The following PLPP3 variants were observed in gnomAD, a reference collection of about 807,000 sequenced individuals.
PLPP3 encodes PAP2 beta.
PLPP3 carries 6 observed loss-of-function variants against 29.6 expected under a neutral mutation model. The observed-to-expected ratio is 0.20, with a 90% CI of 0.11 to 0.40. The LOEUF (loss-of-function observed/expected upper bound fraction) is 0.40, where lower values mean the gene tolerates loss of function less well. PLPP3 is among the 10% of genes least tolerant of loss of function. The pLI, the probability that PLPP3 is intolerant of heterozygous loss-of-function variation, is 1.00. For synonymous variants in PLPP3, 152 were observed against 159.7 expected, an observed-to-expected ratio of 0.95 and a Z score of 0.36; for missense variants, 308 against 407.7, an observed-to-expected ratio of 0.76 and a Z score of 2.11.
At chr1:56,516,490 G>A (rs1645781642) in intron 4 of PLPP3, among the ~76,000 whole-genome samples, 1 of 152,188 alleles carries the variant, frequency 6.6e-6, no homozygotes, top group Admixed American at 6.5e-5. Context: ...TAAAGTCCTA[G>A]GTGCCCTGAA....
intron 1 of PLPP3, among the ~76,000 whole-genome samples, chr1:56,567,554 C>T (rs1247446714): frequency 6.6e-6 from 1 of 152,012 alleles, no homozygotes; most frequent in Non-Finnish European, 1.5e-5. Flanking sequence ...CCCGCCACCA[C>T]ACCTGGCTAA....
chr1:56,548,895 CAA>C (rs767987345), intron 1 of PLPP3, among the ~76,000 whole-genome samples: 9 of 120,654 alleles, frequency 7.5e-5, no homozygotes, highest in Non-Finnish European at 7.1e-5. Context: ...AAGGCTATAC[CAA>C]AAAAAAAAAA....
At chr1:56,517,621 A>C (rs1406888724) in intron 4 of PLPP3, among the ~76,000 whole-genome samples, 2 of 152,242 alleles carry the variant, frequency 1.3e-5, no homozygotes, top group African/African-American at 4.8e-5. Flanking sequence ...ATGTACATTG[A>C]GTATATTTGC....
chr1:56,527,731 ATTATGAACCAGGCGG>A (rs1461698563), intron 2 of PLPP3, among the ~76,000 whole-genome samples: 2 of 152,128 alleles, frequency 1.3e-5, no homozygotes, highest in Admixed American at 6.6e-5. Flanking sequence ...ATAAATCATC[ATTATGAACCAGGCGG>A]ACTTGGCTTC....
chr1:56,519,296 G>T (rs1645803251), intron 4 of PLPP3, among the ~76,000 whole-genome samples: 1 of 152,072 alleles, frequency 6.6e-6, no homozygotes, highest in South Asian at 2.1e-4. Context: ...TACCTCTACT[G>T]CCACTCTCTG....
In PLPP3 at chr1:56,496,490, A is replaced by G. The variant is rs1645631939; in HGVS notation, c.*61T>C. On this transcript the variant is annotated 3_prime_UTR_variant, in exon 6 of 6. Coordinates refer to ENST00000371250, the MANE Select transcript of PLPP3 (RefSeq NM_003713.5). ...ATTCTACTGTCTGATGAGATTGGAG[A>G]GCAGCAAGAACTTGCTGTCAGCAGT... 1 of 1,579,684 alleles carries G rather than the reference A, an allele frequency of 6.3e-7. No individual in the cohort carries two copies. The highest frequency in any genetic ancestry group is 8.7e-7 in the Non-Finnish European group (1 of 1,153,118).
intron 5 of PLPP3, among the ~76,000 whole-genome samples, chr1:56,498,881 C>G (rs1645647015): frequency 6.6e-6 from 1 of 152,318 alleles, no homozygotes; most frequent in South Asian, 2.1e-4. Context: ...ATCCGCCTGC[C>G]TCAGCCTTCC....
At chr1:56,517,770 G>A (rs1297924013) in intron 4 of PLPP3, among the ~76,000 whole-genome samples, 1 of 152,160 alleles carries the variant, frequency 6.6e-6, no homozygotes, top group Non-Finnish European at 1.5e-5. Flanking sequence ...AACACCAAAG[G>A]ACAACCTCCA....
chr1:56,542,590 G>A (rs1338711163), intron 1 of PLPP3, among the ~76,000 whole-genome samples: 1 of 152,030 alleles, frequency 6.6e-6, no homozygotes, highest in African/African-American at 2.4e-5. Context: ...TATAAAATAC[G>A]TGAAGTCCAG....
intron 4 of PLPP3, 42 bp downstream of exon 4, chr1:56,523,781 G>A: frequency 6.3e-7 from 1 of 1,577,504 alleles, no homozygotes; most frequent in Non-Finnish European, 8.7e-7. Flanking sequence ...AGGGATCGAA[G>A]CTGGAACTGA....
In PLPP3 at chr1:56,495,488, C is replaced by T. The variant is rs923205046; in HGVS notation, c.*1063G>A. On this transcript the variant is annotated 3_prime_UTR_variant, in exon 6 of 6. Coordinates refer to ENST00000371250, the MANE Select transcript of PLPP3 (RefSeq NM_003713.5). ...AGTGCTTTACACAGCAAGAGCAACT[C>T]CTACAAAGACCCTCAGCTCTGTCAT... 3 of 152,716 alleles carry T rather than the reference C, an allele frequency of 2.0e-5. No individual in the cohort carries two copies. Among genetic ancestry groups the T allele is most frequent in the African/African-American group, 7.2e-5 (3 of 41,470 alleles). The allele number at this position is 152,716 out of a possible 1,614,324, so 9.5% of individuals were successfully genotyped here. A position where few individuals can be genotyped will look rare whatever the true frequency, so the allele number is the denominator to read the frequency against.
intron 1 of PLPP3, among the ~76,000 whole-genome samples, chr1:56,569,554 T>C (rs993473384): frequency 6.6e-6 from 1 of 152,156 alleles, no homozygotes; most frequent in Non-Finnish European, 1.5e-5. Context: ...GGAGTTACCA[T>C]AGGACCCAGC....
intron 1 of PLPP3, among the ~76,000 whole-genome samples, chr1:56,557,002 GA>G (rs1421137314): frequency 1.3e-4 from 1 of 7,420 alleles, no homozygotes; most frequent in Non-Finnish European, 3.5e-4. Context: ...AAGAAAGAAA[GA>G]AAGAAAGAGA....
intron 1 of PLPP3, among the ~76,000 whole-genome samples, chr1:56,568,770 G>A (rs556619630): frequency 6.6e-6 from 1 of 152,082 alleles, no homozygotes. Context: ...GACTACAGGT[G>A]CCCACCACCA....
intron 2 of PLPP3, among the ~76,000 whole-genome samples, chr1:56,533,876 C>T (rs1298535550): frequency 6.6e-6 from 1 of 151,976 alleles, no homozygotes; most frequent in Non-Finnish European, 1.5e-5. Flanking sequence ...TCAGATGATG[C>T]CTAAGTTTGA....
intron 2 of PLPP3, among the ~76,000 whole-genome samples, chr1:56,529,028 G>A (rs527509305): frequency 3.6e-4 from 54 of 151,926 alleles, no homozygotes; most frequent in Non-Finnish European, 6.0e-4. Flanking sequence ...CCACCGCTGA[G>A]TCTGAAGGAC....
At chr1:56,568,681 A>T (rs1646177737) in intron 1 of PLPP3, among the ~76,000 whole-genome samples, 1 of 152,142 alleles carries the variant, frequency 6.6e-6, no homozygotes. Context: ...GCTGGAGTGC[A>T]GTGGCGTGAT....
intron 1 of PLPP3, among the ~76,000 whole-genome samples, chr1:56,543,015 CAAA>C (rs397737077): frequency 1.5e-5 from 2 of 133,418 alleles, no homozygotes. Flanking sequence ...GATCTTGTTT[CAAA>C]AAAAAAAAAA....
rs1463706976 is a variant in PLPP3, at chr1:56,578,881, T to A, written c.136A>T (p.Met46Leu). 1 of 1,578,232 alleles carries A rather than the reference T, an allele frequency of 6.3e-7. No individual in the cohort carries two copies. The highest frequency in any genetic ancestry group is 8.6e-7 in the Non-Finnish European group (1 of 1,164,810). The change falls in exon 1 of 6, where the codon ATG becomes TTG. Residue 46 changes from methionine to leucine, a missense_variant. Around this residue, in one of 3 missense-constraint regions of PLPP3, gnomAD observed 67 missense variants for 61.3 expected, o/e 1.09. Transcript: ENST00000371250. ...GGGACAGCGGGGCTGGGCTCACCCA[T>A]GAAGAGGCAGAAGAGGTCGAGGCAG... Reference protein sequence around the residue: ...LICLDLFCLFMAGLPFLIIET... With the variant: ...LICLDLFCLFLAGLPFLIIET...
Sources: gnomAD v4.1 joint callset for allele counts (sites outside exome capture counted in the v4.1 genomes callset) on GRCh38, gnomAD v4.1.1 for gene constraint, gnomAD v4.1.1 regional missense constraint, MANE v1.5 for transcripts, NCBI Gene and HGNC (gene_info 2026-07-23, HGNC 2026-07-21) for gene names.